RECK: variants seen among roughly 807,000 people sequenced by gnomAD.
RECK encodes the protein reversion-inducing cysteine-rich protein with Kazal motifs.
RECK carries 69 observed loss-of-function variants against 115.1 expected under a neutral mutation model. The observed-to-expected ratio is 0.60, with a 90% CI of 0.49 to 0.73. The LOEUF is 0.73. Among genes scored for constraint, RECK ranks in the 30% least tolerant of loss-of-function variants. RECK has a pLI of 0.00. For synonymous variants in RECK, 414 were observed against 419.7 expected, an observed-to-expected ratio of 0.99 and a Z score of 0.17; for missense variants, 1,047 against 1,203.7, an observed-to-expected ratio of 0.87 and a Z score of 1.93.
chr9:36,081,751 T>C (rs1488742156), intron 7 of RECK, among the ~76,000 whole-genome samples: 1 of 151,628 alleles, frequency 6.6e-6, no homozygotes, highest in Non-Finnish European at 1.5e-5. Flanking sequence ...GGAGAATCGC[T>C]TGAACCCAGG....
intron 2 of RECK, chr9:36,056,860 A>G (rs1189620520): frequency 4.4e-5 from 18 of 409,922 alleles, no homozygotes; most frequent in Admixed American, 1.3e-4. Flanking sequence ...TTAATTCACT[A>G]GGCGTTGCAA....
rs758330647 is a variant in RECK, at chr9:36,052,250, A to AT, written c.101-9dup. 2.5e-6 allele frequency: 4 copies of AT among 1,577,132 alleles called. No individual in the cohort carries two copies. Among genetic ancestry groups the AT allele is most frequent in the East Asian group, 2.2e-5 (1 of 44,686 alleles). ...AACAGTGGAACAACATTTGATGTTT[A>AT]TTTTTTCTCCCTAGGTGCATTGTGT... On this transcript the variant is annotated splice_polypyrimidine_tract_variant and intron_variant, in intron 1 of 20. Coordinates refer to ENST00000377966, the MANE Select transcript of RECK (RefSeq NM_021111.3).
At chr9:36,053,928 C>T (rs570875934) in intron 2 of RECK, among the ~76,000 whole-genome samples, 12 of 152,236 alleles carry the variant, frequency 7.9e-5, no homozygotes, top group Non-Finnish European at 1.5e-4. Context: ...ACACAGATGT[C>T]GAATGTGACT....
intron 12 of RECK, among the ~76,000 whole-genome samples, chr9:36,103,066 G>A (rs1050779016): frequency 6.6e-6 from 1 of 152,142 alleles, no homozygotes; most frequent in Non-Finnish European, 1.5e-5. Flanking sequence ...AGAGCGTGTT[G>A]CTATCTCATT....
chr9:36,104,328 T>TATATA (rs1564130954), intron 12 of RECK, among the ~76,000 whole-genome samples: 1 of 7,270 alleles, frequency 1.4e-4, no homozygotes, highest in East Asian at 5.2e-3. Flanking sequence ...ATATATATAT[T>TATATA]TTTTTTTTTT....
chr9:36,059,131 A>G (rs975782269), intron 3 of RECK, among the ~76,000 whole-genome samples: 20 of 152,212 alleles, frequency 1.3e-4, no homozygotes, highest in African/African-American at 4.8e-4. Flanking sequence ...TCTTAAATAT[A>G]AATGTGTTCC....
chr9:36,048,822 A>C (rs931832774), intron 1 of RECK, among the ~76,000 whole-genome samples: 5 of 152,118 alleles, frequency 3.3e-5, no homozygotes, highest in Non-Finnish European at 7.4e-5. Flanking sequence ...ATATAATGTA[A>C]TTCAGTTCTG....
chr9:36,058,860 C>A lies in RECK; in HGVS notation c.193C>A (p.His65Asn). 2 of 1,576,980 alleles carry A rather than the reference C, an allele frequency of 1.3e-6. No individual in the cohort carries two copies. Among genetic ancestry groups the A allele is most frequent in the South Asian group, 1.1e-5 (1 of 87,450 alleles). Residue 65 changes from histidine to asparagine, a missense_variant, in exon 3 of 21, where the codon CAT (histidine) becomes AAT (asparagine). Transcript: ENST00000377966. ...FSSKSESRLK[H>N]LLQRAPDYCP... ...CTCAAAAAGTGAATCCCGACTAAAA[C>A]ATCTGTTGCAGCGAGCCCCAGATTA... is the stretch of plus-strand genomic sequence containing the variant.
chr9:36,109,704 T>TGTG (rs926073818), intron 14 of RECK, among the ~76,000 whole-genome samples: 4 of 151,970 alleles, frequency 2.6e-5, no homozygotes, highest in African/African-American at 7.2e-5. Context: ...AATATCCAGA[T>TGTG]GTGGTGGTGT....
At chr9:36,115,561 T>C (rs1222607531) in intron 16 of RECK, among the ~76,000 whole-genome samples, 1 of 152,096 alleles carries the variant, frequency 6.6e-6, no homozygotes, top group Non-Finnish European at 1.5e-5. Flanking sequence ...TTTCTCCTGA[T>C]ATTCCTGTTT....
At chr9:36,045,075 A>G (rs1821019651) in intron 1 of RECK, among the ~76,000 whole-genome samples, 1 of 152,166 alleles carries the variant, frequency 6.6e-6, no homozygotes, top group Admixed American at 6.5e-5. Flanking sequence ...ATGATTCGGG[A>G]AAAAAACAAA....
At chr9:36,054,003 C>A (rs1047173926) in intron 2 of RECK, among the ~76,000 whole-genome samples, 1 of 152,134 alleles carries the variant, frequency 6.6e-6, no homozygotes, top group Non-Finnish European at 1.5e-5. Context: ...GAGGTAAGGG[C>A]TGTGTTACAT....
intron 15 of RECK, 103 bp from the exon 16 acceptor site, chr9:36,112,202 C>T (rs935056649): frequency 2.6e-5 from 23 of 896,162 alleles, no homozygotes; most frequent in Middle Eastern, 3.8e-4. Context: ...TCTATTTTAA[C>T]GTGAGACCTT....
chr9:36,060,444 C>T (rs1821708468), intron 4 of RECK, among the ~76,000 whole-genome samples: 1 of 152,110 alleles, frequency 6.6e-6, no homozygotes. Flanking sequence ...AATTTATTCT[C>T]ATTCACTCAG....
At chr9:36,091,109 C>T (rs999589347) in intron 9 of RECK, 55 bp from the exon 10 acceptor site, 14 of 1,537,558 alleles carry the variant, frequency 9.1e-6, no homozygotes, top group African/African-American at 1.4e-5. Context: ...TTATGCAAAT[C>T]AAATATTTAC....
chr9:36,111,318 A>G (rs1824034108), intron 15 of RECK, among the ~76,000 whole-genome samples: 2 of 152,244 alleles, frequency 1.3e-5, no homozygotes, highest in South Asian at 4.1e-4. Flanking sequence ...AACAATTTGT[A>G]AGTCTCAAAA....
At chr9:36,093,997 T>C (rs1823251877) in intron 10 of RECK, among the ~76,000 whole-genome samples, 1 of 152,026 alleles carries the variant, frequency 6.6e-6, no homozygotes, top group African/African-American at 2.4e-5. Context: ...AAAAATCTTA[T>C]ATTCAATGAA....
chr9:36,089,353 G>A (rs1280408943), intron 9 of RECK, among the ~76,000 whole-genome samples: 3 of 152,270 alleles, frequency 2.0e-5, no homozygotes, highest in South Asian at 2.1e-4. Flanking sequence ...TTTATGGTTT[G>A]CTGAAGGCTT....
In RECK at chr9:36,061,140, T is replaced by C. The variant is rs555774007; in HGVS notation, c.271+985T>C. Among the ~76,000 whole-genome samples the C allele has an allele frequency of 9.3e-4, 142 of 152,080 alleles. 1 individual carries two copies. The highest frequency in any genetic ancestry group is 3.2e-3 in the Admixed American group (49 of 15,266). The stretch of plus-strand genomic sequence containing the variant: ...AAATAATTTATCAGGGGATATTCAC[T>C]CCCATCAGAATAAAACCCAAACTCT... On this transcript the variant is annotated intron_variant, in intron 4 of 20. Coordinates refer to ENST00000377966, the MANE Select transcript of RECK (RefSeq NM_021111.3).
Sources: allele counts gnomAD v4.1 joint callset (sites outside exome capture counted in the v4.1 genomes callset), GRCh38; gene constraint gnomAD v4.1.1; transcripts MANE v1.5; gene names NCBI Gene and HGNC (gene_info 2026-07-23, HGNC 2026-07-21).